The following LOXL4 variants were observed in gnomAD, a reference collection of about 807,000 sequenced individuals.
The protein encoded by LOXL4 is lysyl oxidase homolog 4.
Under a neutral mutation model 89.1 loss-of-function variants are expected in LOXL4, and 72 were observed. That is an observed-to-expected ratio of 0.81 (90% CI 0.67 to 0.98). The LOEUF is 0.98. Ranked by LOEUF, LOXL4 falls within the 50% of genes least tolerant of loss-of-function variation. The probability of loss-of-function intolerance (pLI) is 0.00; values close to 1 mark genes in which losing one functional copy is unlikely to be tolerated. For missense variants in LOXL4, 984 were observed against 1,017.5 expected (o/e 0.97, Z 0.45); for synonymous variants, 355 against 392.1 (o/e 0.91, Z 1.12).
In LOXL4 at chr10:98,255,583, T is replaced by A; in HGVS notation, c.1585A>T (p.Met529Leu). The change falls in exon 10 of 15, where the codon ATG becomes TTG. Residue 529 changes from methionine to leucine, a missense_variant. Transcript: ENST00000260702. Reference protein sequence around the residue: ...GGRFLAGVSCMDSAPDLVMNA... With the variant: ...GGRFLAGVSCLDSAPDLVMNA... Reference sequence around the variant, plus strand: ...TGAGCCCTCCGTCACTCACTGTCCATGCAGGAGACTCCAGCCAGGAAGCGC... The same window carrying A: ...TGAGCCCTCCGTCACTCACTGTCCAAGCAGGAGACTCCAGCCAGGAAGCGC... The A allele has an allele frequency of 6.2e-7, 1 of 1,607,848 alleles. No homozygotes were observed. The highest frequency in any genetic ancestry group is 8.5e-7 in the Non-Finnish European group (1 of 1,175,060).
At chr10:98,251,745 A>G in intron 12 of LOXL4, 43 bp from the exon 13 acceptor site, 1 of 1,607,930 alleles carries the variant, frequency 6.2e-7, no homozygotes, top group Admixed American at 1.7e-5. Flanking sequence ...AGGACGAAGC[A>G]CTCTGCTAGG....
At chr10:98,256,708 T>C (rs996896214) in intron 9 of LOXL4, 72 bp downstream of exon 9, 44 of 1,578,758 alleles carry the variant, frequency 2.8e-5, no homozygotes, top group Non-Finnish European at 3.6e-5. Context: ...GCAGCAGCTT[T>C]AGCACAGGAA....
intron 12 of LOXL4, 111 bp from the exon 13 acceptor site, chr10:98,251,813 G>A (rs1276003502): frequency 1.5e-5 from 20 of 1,302,706 alleles, no homozygotes; most frequent in Middle Eastern, 1.9e-4. Context: ...ATTAAGGACC[G>A]TCAGAGCTAG....
chr10:98,258,580 G>T (rs570851566), intron 6 of LOXL4, among the ~76,000 whole-genome samples: 1 of 151,872 alleles, frequency 6.6e-6, no homozygotes, highest in Non-Finnish European at 1.5e-5. Flanking sequence ...GGCCATCTCA[G>T]TGTGGCGCTG....
At chr10:98,256,371 G>A (rs1858364488) in intron 9 of LOXL4, 1 of 230,706 alleles carries the variant, frequency 4.3e-6, no homozygotes, top group Admixed American at 5.8e-5. Flanking sequence ...CAAACATGTG[G>A]ATTGCAAGCT....
At chr10:98,249,959 G>A (rs972848080) in intron 14 of LOXL4, among the ~76,000 whole-genome samples, 5 of 152,088 alleles carry the variant, frequency 3.3e-5, no homozygotes. Context: ...TTGCCTCCTT[G>A]ACTGAAATTT....
chr10:98,251,016 C>G, intron 14 of LOXL4, 49 bp downstream of exon 14: 1 of 1,366,916 alleles, frequency 7.3e-7, no homozygotes, highest in Non-Finnish European at 1.0e-6. Flanking sequence ...TACAGTGTTC[C>G]AGCTCCCTGA....
chr10:98,251,152 C>T lies in LOXL4; in HGVS notation c.2113G>A (p.Val705Met), dbSNP rs141069497. ...TTGTTGGAGAAATCTGACTCTGCCA[C>T]TTCATAGTGGGGGTTCACAATCACC... is the stretch of plus-strand genomic sequence containing the variant. ...FQVIVNPHYE[V>M]AESDFSNNML... Residue 705 changes from valine to methionine, a missense_variant, in exon 14 of 15, where the codon GTG (valine) becomes ATG (methionine). By Grantham distance (21) the Val-to-Met change is conservative (BLOSUM62 1). Transcript: ENST00000260702. The T allele has an allele frequency of 2.3e-4, 375 of 1,613,772 alleles. 4 individuals are homozygous for T. The East Asian group carries it at 4.1e-3, about 17-fold the overall frequency.
rs1858079729 is a variant in LOXL4, at chr10:98,247,845, C to T, written c.*1076G>A. The T allele has an allele frequency of 6.6e-6, 1 of 152,148 alleles. No individual in the cohort carries two copies. The highest frequency in any genetic ancestry group is 1.5e-5 in the Non-Finnish European group (1 of 68,044). The allele number at this position is 152,148 out of a possible 1,614,324, so 9.4% of individuals were successfully genotyped here. ...ACTTGAGCAAGAGCAAATCAGAGCCCCATCAAGCAGGAATGGTGGCCTTTC... is the reference window on the plus strand; with the variant it reads ...ACTTGAGCAAGAGCAAATCAGAGCCTCATCAAGCAGGAATGGTGGCCTTTC... On this transcript the variant is annotated 3_prime_UTR_variant, in exon 15 of 15. Coordinates refer to ENST00000260702, the MANE Select transcript of LOXL4 (RefSeq NM_032211.7).
chr10:98,262,138 C>T lies in LOXL4; in HGVS notation c.353G>A (p.Gly118Glu), dbSNP rs779074485. 6.8e-6 allele frequency: 11 copies of T among 1,613,472 alleles called. No individual in the cohort carries two copies. In the East Asian group the frequency reaches 2.5e-4, roughly 36 times the overall value. Residue 118 changes from glycine (G) to glutamate (E), a missense_variant, in exon 3 of 15, where the codon GGA becomes GAA. Gly to Glu is a moderately conservative substitution (Grantham distance 98, BLOSUM62 -2). Transcript: ENST00000260702. ...SLDQCGSNGW[G>E]VSDCSHSEDV... The stretch of plus-strand genomic sequence containing the variant: ...TTCTGAGTGACTGCAGTCACTGACT[C>T]CCCAGCCATTAGACCCGCACTGGTC...
At chr10:98,254,760 C>T (rs1378823373) in intron 10 of LOXL4, among the ~76,000 whole-genome samples, 1 of 152,174 alleles carries the variant, frequency 6.6e-6, no homozygotes, top group Non-Finnish European at 1.5e-5. Context: ...AGGCTCCCCA[C>T]GTGCTGGGAG....
In LOXL4 at chr10:98,251,428, C is replaced by G. The variant is rs1590874749; in HGVS notation, c.2088+138G>C. 2.5e-5 allele frequency: 31 copies of G among 1,216,274 alleles called. No individual in the cohort carries two copies. The East Asian group carries it at 7.3e-4, about 29-fold the overall frequency. The allele number at this position is 1,216,274 out of a possible 1,614,324, so 75.3% of individuals were successfully genotyped here. ...TGGACCCAGCTTGACTGTTACTTCC[C>G]TAACAGGACAGCTCCTTTAAGTGAC... is the stretch of plus-strand genomic sequence containing the variant. On this transcript the variant is annotated intron_variant, in intron 13 of 14. Transcript: ENST00000260702.
At chr10:98,261,175 A>G in intron 3 of LOXL4, 48 bp from the exon 4 acceptor site, 1 of 1,561,158 alleles carries the variant, frequency 6.4e-7, no homozygotes, top group Non-Finnish European at 8.8e-7. Flanking sequence ...CTGCTCCTCC[A>G]GTGGAGCCTG....
intron 9 of LOXL4, 141 bp downstream of exon 9, chr10:98,256,639 C>T (rs1858374386): frequency 1.1e-6 from 1 of 910,192 alleles, no homozygotes; most frequent in Admixed American, 2.4e-5. Flanking sequence ...GTTCCCAGCA[C>T]TCAGCATCAT....
At chr10:98,264,749 G>A (rs1005623289) in intron 1 of LOXL4, among the ~76,000 whole-genome samples, 4 of 152,172 alleles carry the variant, frequency 2.6e-5, no homozygotes, top group African/African-American at 9.6e-5. Flanking sequence ...CGAAGCTGAA[G>A]CTCCTCCACC....
At chr10:98,264,711 T>C (rs1858636565) in intron 1 of LOXL4, among the ~76,000 whole-genome samples, 1 of 152,068 alleles carries the variant, frequency 6.6e-6, no homozygotes, top group Non-Finnish European at 1.5e-5. Context: ...CTCAGCTGGT[T>C]AGAGCTGTCA....
Position 98,262,731 on chromosome 10 carries a change from CCAGT to C in LOXL4, c.277+8_277+11del, listed in dbSNP as rs1858579959. 1 of 1,607,182 alleles carries C rather than the reference CCAGT, an allele frequency of 6.2e-7. No homozygotes were observed. Among genetic ancestry groups the C allele is most frequent in the Non-Finnish European group, 8.5e-7 (1 of 1,175,556 alleles). Reference sequence around the variant, plus strand: ...CTCCTTGCCATCCCACTAGGTGGCACCAGTCACTCACCCTCCCCTTGGCCGTACT... The same window carrying C: ...CTCCTTGCCATCCCACTAGGTGGCACCACTCACCCTCCCCTTGGCCGTACT... On this transcript the variant is annotated splice_region_variant and intron_variant, in intron 2 of 14. Transcript: ENST00000260702.
At chr10:98,257,623 T>C in intron 8 of LOXL4, 27 bp downstream of exon 8, 1 of 1,605,338 alleles carries the variant, frequency 6.2e-7, no homozygotes. Flanking sequence ...GCCCCCAGCC[T>C]GAGGCCATGC....
chr10:98,263,176 A>G (rs370925172), intron 1 of LOXL4, 125 bp from the exon 2 acceptor site: 12 of 447,670 alleles, frequency 2.7e-5, no homozygotes, highest in Non-Finnish European at 4.8e-5. Flanking sequence ...GTGTGTGTGC[A>G]CGCGCACACA....
Sources: allele counts gnomAD v4.1 joint callset (sites outside exome capture counted in the v4.1 genomes callset), GRCh38; gene constraint gnomAD v4.1.1; transcripts MANE v1.5; gene names NCBI Gene and HGNC (gene_info 2026-07-23, HGNC 2026-07-21).